The following TNFSF11 variants were observed in gnomAD, a reference collection of about 807,000 sequenced individuals.
TNFSF11 encodes tumor necrosis factor ligand superfamily member 11.
In TNFSF11, 12 loss-of-function variants were observed where a neutral mutation model predicts 32.2. That is an observed-to-expected ratio of 0.37 (90% CI 0.24 to 0.60). The LOEUF (loss-of-function observed/expected upper bound fraction) is 0.60. Among genes scored for constraint, TNFSF11 ranks in the 20% least tolerant of loss-of-function variants. The pLI is 0.66. For synonymous variants in TNFSF11, 172 were observed against 152.1 expected (o/e 1.13, Z -0.96); for missense variants, 345 against 398.0 (o/e 0.87, Z 1.13).
At chr13:42,574,048 A>G, upstream of TNFSF11, 1 of 546,460 alleles carries the variant, frequency 1.8e-6, no homozygotes, top group Non-Finnish European at 3.2e-6. Context: ...AAGGAAGGGG[A>G]GCCAGAGGTG....
At chr13:42,586,703 G>A (rs1444931601) in intron 2 of TNFSF11, among the ~76,000 whole-genome samples, 3 of 152,178 alleles carry the variant, frequency 2.0e-5, no homozygotes, top group Non-Finnish European at 4.4e-5. Context: ...AATGACTGCT[G>A]ATAAGTTATC....
At chr13:42,584,450 A>C in intron 2 of TNFSF11, among the ~76,000 whole-genome samples, 1 of 152,194 alleles carries the variant, frequency 6.6e-6, no homozygotes, top group African/African-American at 2.4e-5. Flanking sequence ...CTTAACACTT[A>C]ATGTGGCTTC....
upstream of TNFSF11, among the ~76,000 whole-genome samples, chr13:42,571,251 T>C (rs752197552): frequency 1.1e-4 from 17 of 152,228 alleles, no homozygotes; most frequent in Non-Finnish European, 1.9e-4. Context: ...GGGAGAGTCC[T>C]CCAGGTGTAG....
chr13:42,570,103 T>G (rs529274383), upstream of TNFSF11, among the ~76,000 whole-genome samples: 235 of 152,288 alleles, frequency 1.5e-3, 1 homozygote, highest in South Asian at 0.018. Flanking sequence ...TTCTCAAAAT[T>G]TTGAAGAATG....
intron 2 of TNFSF11, among the ~76,000 whole-genome samples, chr13:42,566,998 T>A (rs1444296184): frequency 7.7e-5 from 2 of 25,898 alleles, no homozygotes; most frequent in Admixed American, 8.6e-4. Flanking sequence ...TCTCAAAAAA[T>A]AAATAAATAA....
chr13:42,585,281 C>A (rs1049206899), intron 2 of TNFSF11, among the ~76,000 whole-genome samples: 2 of 152,296 alleles, frequency 1.3e-5, no homozygotes, highest in South Asian at 4.1e-4. Flanking sequence ...ATTGAGTGAA[C>A]CCTTAAAACA....
chr13:42,563,456 A>G (rs1430269326), intron 1 of TNFSF11, among the ~76,000 whole-genome samples: 1 of 152,166 alleles, frequency 6.6e-6, no homozygotes, highest in Non-Finnish European at 1.5e-5. Flanking sequence ...TGAGGTCAAG[A>G]GTTCAAGACC....
In TNFSF11 at chr13:42,594,194, T is replaced by G. The variant is rs183593360; in HGVS notation, c.388-6558T>G. 8.2e-4 allele frequency among the ~76,000 whole-genome samples: 125 copies of G among 152,236 alleles called. No homozygotes were observed. The Middle Eastern group carries it at 0.02, about 25-fold the overall frequency. On this transcript the variant is annotated intron_variant, in intron 2 of 4. Transcript: ENST00000398795. ...TCCCGGGCTCAAGCGATCTCGTGCCTTAGCCTCCCGAGTACCTGGGATTAC... is the reference window on the plus strand; with the variant it reads ...TCCCGGGCTCAAGCGATCTCGTGCCGTAGCCTCCCGAGTACCTGGGATTAC...
At chr13:42,580,869 A>T (rs1017729697) in intron 1 of TNFSF11, among the ~76,000 whole-genome samples, 1 of 152,198 alleles carries the variant, frequency 6.6e-6, no homozygotes, top group Non-Finnish European at 1.5e-5. Context: ...TGAATCACGC[A>T]CATACACTTC....
chr13:42,603,293 C>G (rs1869274304), intron 4 of TNFSF11, among the ~76,000 whole-genome samples: 1 of 152,086 alleles, frequency 6.6e-6, no homozygotes, highest in Non-Finnish European at 1.5e-5. Flanking sequence ...GATACTCAGG[C>G]TAAATATTTG....
At chr13:42,577,744 G>A (rs1268113711) in intron 1 of TNFSF11, among the ~76,000 whole-genome samples, 3 of 152,148 alleles carry the variant, frequency 2.0e-5, no homozygotes, top group Admixed American at 6.5e-5. Context: ...ATGTAGAGGT[G>A]TGCACTGCCT....
intron 1 of TNFSF11, among the ~76,000 whole-genome samples, chr13:42,579,318 G>A (rs1329547680): frequency 2.6e-5 from 4 of 151,612 alleles, no homozygotes; most frequent in Admixed American, 2.0e-4. Flanking sequence ...TAAGGAAGGA[G>A]GATTGCTTGA....
intron 2 of TNFSF11, among the ~76,000 whole-genome samples, chr13:42,592,360 A>T (rs566107405): frequency 1.3e-5 from 2 of 152,318 alleles, no homozygotes; most frequent in South Asian, 4.1e-4. Context: ...TGAATGGCTC[A>T]CAGAACTCAG....
At chr13:42,588,409 G>C (rs1475802953) in intron 2 of TNFSF11, among the ~76,000 whole-genome samples, 1 of 152,218 alleles carries the variant, frequency 6.6e-6, no homozygotes, top group Non-Finnish European at 1.5e-5. Context: ...AAGATATTCT[G>C]CATGACATCT....
intron 1 of TNFSF11, among the ~76,000 whole-genome samples, chr13:42,575,161 T>G (rs1594458787): frequency 6.7e-6 from 1 of 149,682 alleles, no homozygotes; most frequent in Non-Finnish European, 1.5e-5. Context: ...CCTGTGGGGG[T>G]GAAGGAAGAG....
At chr13:42,573,402 A>C (rs530692907), upstream of TNFSF11, among the ~76,000 whole-genome samples, 1 of 152,364 alleles carries the variant, frequency 6.6e-6, no homozygotes, top group Non-Finnish European at 1.5e-5. Flanking sequence ...AGCCCTAGCA[A>C]GGTTTCTTTA....
At chr13:42,582,024 CACAA>C (rs1349025307) in intron 2 of TNFSF11, among the ~76,000 whole-genome samples, 1 of 152,188 alleles carries the variant, frequency 6.6e-6, no homozygotes, top group African/African-American at 2.4e-5. Context: ...CCGGGTAGAA[CACAA>C]ACAGTGACCC....
chr13:42,604,038 CCTCT>C (rs1869319098), intron 4 of TNFSF11, among the ~76,000 whole-genome samples: 2 of 152,192 alleles, frequency 1.3e-5, no homozygotes, highest in African/African-American at 4.8e-5. Flanking sequence ...TCTTCTCCTG[CCTCT>C]CTATTTCATA....
At chr13:42,599,307 A>ATCTC (rs1384956663) in intron 2 of TNFSF11, among the ~76,000 whole-genome samples, 1 of 137,930 alleles carries the variant, frequency 7.3e-6, no homozygotes, top group African/African-American at 2.8e-5. Context: ...TATTGCCTCT[A>ATCTC]TCTATCTATC....
Sources: gnomAD v4.1 joint callset for allele counts (sites outside exome capture counted in the v4.1 genomes callset) on GRCh38, gnomAD v4.1.1 for gene constraint, MANE v1.5 for transcripts, NCBI Gene and HGNC (gene_info 2026-07-23, HGNC 2026-07-21) for gene names.